The following RARB variants were observed in gnomAD, a reference collection of about 807,000 sequenced individuals.
RARB encodes retinoic acid receptor beta.
RARB carries 17 observed loss-of-function variants against 51.9 expected under a neutral mutation model. The ratio of observed to expected loss-of-function variants is 0.33; its 90% CI spans 0.22 to 0.49. The LOEUF is 0.49. RARB is among the 20% of genes least tolerant of loss of function. The probability of loss-of-function intolerance (pLI) is 0.99; values close to 1 mark genes in which losing one functional copy is unlikely to be tolerated. For synonymous variants in RARB, 215 were observed against 195.4 expected (o/e 1.10, Z -0.84); for missense variants, 369 against 550.8 (o/e 0.67, Z 3.30).
chr3:25,279,501 G>A (rs1028137859), intron 5 of RARB, among the ~76,000 whole-genome samples: 1 of 151,738 alleles, frequency 6.6e-6, no homozygotes, highest in Non-Finnish European at 1.5e-5. Context: ...ATTGAGAAAA[G>A]TTCTTAAGGG....
rs114884495 is a variant in RARB at position 24,852,431 on chromosome 3, C to T, written c.-458-6243C>T. Among the ~76,000 whole-genome samples the T allele has an allele frequency of 3.5e-3, 535 of 152,178 alleles. 5 individuals carry two copies. The highest frequency in any genetic ancestry group is 3.8e-3 in the Non-Finnish European group (258 of 67,996). ...CTGGTGGGATTACAAAATGATACAG[C>T]CACTTTGGAAAACAGTTTGGCATTT... On this transcript the variant is annotated intron_variant, in intron 1 of 11. Transcript: ENST00000383772.
At chr3:25,387,176 G>T (rs2125484233) in intron 5 of RARB, among the ~76,000 whole-genome samples, 1 of 152,314 alleles carries the variant, frequency 6.6e-6, no homozygotes, top group African/African-American at 2.4e-5. Flanking sequence ...ATGCACAACA[G>T]AAACCCAGCA....
intron 2 of RARB, among the ~76,000 whole-genome samples, chr3:24,957,671 C>T (rs1318103225): frequency 6.6e-6 from 1 of 152,182 alleles, no homozygotes; most frequent in East Asian, 1.9e-4. Flanking sequence ...AAGCAAAGTT[C>T]TTTGCCAATT....
chr3:25,068,926 A>G (rs1270227449), intron 3 of RARB, among the ~76,000 whole-genome samples: 3 of 152,010 alleles, frequency 2.0e-5, no homozygotes, highest in African/African-American at 7.2e-5. Context: ...AAACTTTATG[A>G]AAAAGGCTAG....
intron 2 of RARB, among the ~76,000 whole-genome samples, chr3:25,025,989 A>C (rs1467319289): frequency 3.3e-5 from 5 of 152,178 alleles, no homozygotes; most frequent in Non-Finnish European, 5.9e-5. Context: ...CTGCAATCCC[A>C]AATTAATGAG....
intron 5 of RARB, among the ~76,000 whole-genome samples, chr3:25,183,121 GA>G: frequency 6.6e-6 from 1 of 151,928 alleles, no homozygotes; most frequent in Non-Finnish European, 1.5e-5. Flanking sequence ...TCTTACTACC[GA>G]AAAAGAAAAA....
chr3:25,329,745 G>T (rs531419180), intron 5 of RARB, among the ~76,000 whole-genome samples: 2 of 152,084 alleles, frequency 1.3e-5, no homozygotes, highest in Admixed American at 6.5e-5. Context: ...GAAACCCATC[G>T]CAAAGAAGCT....
intron 5 of RARB, among the ~76,000 whole-genome samples, chr3:25,198,731 A>G (rs1034681868): frequency 1.3e-4 from 20 of 152,080 alleles, no homozygotes; most frequent in Non-Finnish European, 2.9e-4. Flanking sequence ...AATCAAAACT[A>G]CAATGCTGTG....
intron 5 of RARB, among the ~76,000 whole-genome samples, chr3:25,232,078 T>G (rs1255865966): frequency 6.6e-6 from 1 of 152,148 alleles, no homozygotes; most frequent in Non-Finnish European, 1.5e-5. Flanking sequence ...AGATATCAAA[T>G]TTTCTGAGGG....
chr3:25,388,976 C>T (rs1175987840), intron 5 of RARB, among the ~76,000 whole-genome samples: 2 of 152,032 alleles, frequency 1.3e-5, no homozygotes, highest in Non-Finnish European at 2.9e-5. Context: ...GAAACACATC[C>T]TTTTGAATAC....
At chr3:25,587,692 A>G (rs1188872417) in intron 5 of RARB, among the ~76,000 whole-genome samples, 1 of 152,204 alleles carries the variant, frequency 6.6e-6, no homozygotes, top group Non-Finnish European at 1.5e-5. Context: ...CACAACAGGC[A>G]CTATATGCGC....
intron 5 of RARB, among the ~76,000 whole-genome samples, chr3:25,342,730 T>C (rs1050928360): frequency 1.3e-5 from 2 of 152,246 alleles, no homozygotes; most frequent in Non-Finnish European, 2.9e-5. Flanking sequence ...TGATACATTT[T>C]TCTGCCTTGG....
At chr3:25,263,932 A>G (rs751874504) in intron 5 of RARB, among the ~76,000 whole-genome samples, 1 of 152,114 alleles carries the variant, frequency 6.6e-6, no homozygotes, top group African/African-American at 2.4e-5. Flanking sequence ...TGACAAGCGT[A>G]TTTCTCTTAG....
chr3:25,009,470 C>A (rs981480478), intron 2 of RARB, among the ~76,000 whole-genome samples: 3 of 152,092 alleles, frequency 2.0e-5, no homozygotes, highest in Admixed American at 6.6e-5. Flanking sequence ...TTGTGATCGG[C>A]ATAAAAATTC....
rs556859969 is a variant in RARB, at chr3:25,077,152, ATGTTTTCC to A, written c.-328+16986_-328+16993del. Among the ~76,000 whole-genome samples, 301 of 152,326 alleles carry A rather than the reference ATGTTTTCC, an allele frequency of 2.0e-3. 5 individuals carry two copies. Among genetic ancestry groups the A allele is most frequent in the African/African-American group, 7.0e-3 (289 of 41,576 alleles). ...ATAATTAATGGGCTCCTCAAATAGC[ATGTTTTCC>A]TGTTTTCCTAAACTACTCCTTCTAA... On this transcript the variant is annotated intron_variant, in intron 3 of 11. Coordinates refer to the RARB transcript ENST00000383772.
intron 2 of RARB, among the ~76,000 whole-genome samples, chr3:24,912,575 A>G (rs1026228576): frequency 1.5e-4 from 23 of 152,140 alleles, no homozygotes; most frequent in African/African-American, 5.6e-4. Context: ...AACATAGCCA[A>G]TCTTTTAATA....
intron 2 of RARB, among the ~76,000 whole-genome samples, chr3:24,956,566 G>A (rs1030634050): frequency 6.6e-6 from 1 of 152,156 alleles, no homozygotes; most frequent in Non-Finnish European, 1.5e-5. Flanking sequence ...TGTGTCTCTT[G>A]TTATAATCCC....
At chr3:25,050,997 C>G (rs1698322084) in intron 2 of RARB, among the ~76,000 whole-genome samples, 1 of 152,150 alleles carries the variant, frequency 6.6e-6, no homozygotes. Flanking sequence ...CATTCATTTA[C>G]TGTTGTCTCA....
At chr3:25,259,004 A>G (rs1347201505) in intron 5 of RARB, 2 of 978,930 alleles carry the variant, frequency 2.0e-6, no homozygotes, top group Non-Finnish European at 2.4e-6. Context: ...AAACCATAGT[A>G]TATGGTGTCT....
Sources: gnomAD v4.1 joint callset for allele counts (sites outside exome capture counted in the v4.1 genomes callset) on GRCh38, gnomAD v4.1.1 for gene constraint, MANE v1.5 for transcripts, NCBI Gene and HGNC (gene_info 2026-07-23, HGNC 2026-07-21) for gene names.